REEP1: variants seen among roughly 807,000 people sequenced by gnomAD.
The protein encoded by REEP1 is receptor accessory protein 1.
REEP1 carries 22 observed loss-of-function variants against 40.3 expected under a neutral mutation model. The ratio of observed to expected loss-of-function variants is 0.55; its 90% CI spans 0.39 to 0.78. The LOEUF (loss-of-function observed/expected upper bound fraction) is 0.78, where lower values mean the gene tolerates loss of function less well. REEP1 is among the 30% of genes least tolerant of loss of function. The probability of loss-of-function intolerance (pLI) is 0.00; values close to 1 mark genes in which losing one functional copy is unlikely to be tolerated. For synonymous variants in REEP1, 116 were observed against 139.2 expected, an observed-to-expected ratio of 0.83 and a Z score of 1.17; for missense variants, 280 against 361.1, an observed-to-expected ratio of 0.78 and a Z score of 1.82.
chr2:86,249,629 T>C (rs768547672), intron 5 of REEP1, among the ~76,000 whole-genome samples: 6 of 151,260 alleles, frequency 4.0e-5, no homozygotes, highest in Non-Finnish European at 5.9e-5. Flanking sequence ...AAAAAAAAAA[T>C]AAAAAGCAAA....
At chr2:86,260,401 C>T (rs962267917) in intron 3 of REEP1, among the ~76,000 whole-genome samples, 1 of 152,162 alleles carries the variant, frequency 6.6e-6, no homozygotes, top group East Asian at 1.9e-4. Flanking sequence ...GGGGATTCTA[C>T]CCATACCTGC....
intron 1 of REEP1, among the ~76,000 whole-genome samples, chr2:86,313,408 G>A (rs1321182884): frequency 6.7e-6 from 1 of 148,354 alleles, no homozygotes; most frequent in Non-Finnish European, 1.5e-5. Context: ...CCTCTCCTTT[G>A]TTTCCTTCTC....
At chr2:86,338,046 C>T (rs1303178423), upstream of REEP1, 1 of 1,537,260 alleles carries the variant, frequency 6.5e-7, no homozygotes, top group Admixed American at 2.0e-5. Flanking sequence ...CTAACCTCTT[C>T]AGTCTGTCCG....
At chr2:86,322,501 T>G (rs1680311480) in intron 1 of REEP1, among the ~76,000 whole-genome samples, 1 of 152,166 alleles carries the variant, frequency 6.6e-6, no homozygotes, top group Non-Finnish European at 1.5e-5. Context: ...AACCTCAGCC[T>G]CCTGAGTAGC....
chr2:86,217,852 C>G (rs1436979104), intron 8 of REEP1, among the ~76,000 whole-genome samples: 1 of 152,040 alleles, frequency 6.6e-6, no homozygotes, highest in African/African-American at 2.4e-5. Flanking sequence ...TCCACCTCAT[C>G]TCTCCCACAA....
chr2:86,236,757 G>A (rs1295172368), intron 5 of REEP1, among the ~76,000 whole-genome samples: 1 of 147,988 alleles, frequency 6.8e-6, no homozygotes, highest in Non-Finnish European at 1.5e-5. Context: ...TTTTTTTCGA[G>A]ATGGAGTCTC....
intron 1 of REEP1, among the ~76,000 whole-genome samples, chr2:86,299,525 T>C (rs1309200769): frequency 6.6e-6 from 1 of 152,244 alleles, no homozygotes; most frequent in African/African-American, 2.4e-5. Context: ...AAGGGTTATA[T>C]GTGTGCCTTC....
intron 1 of REEP1, among the ~76,000 whole-genome samples, chr2:86,320,789 C>T (rs1265189009): frequency 2.6e-5 from 4 of 152,296 alleles, no homozygotes; most frequent in Admixed American, 2.0e-4. Context: ...ATTCATAATG[C>T]AGCAGTGACA....
rs540996120 is a variant in REEP1, at chr2:86,228,302, G to A, written c.596-904C>T. ...TGTCTGCCTGCCAGGAGCTTGCAGC[G>A]CTGAGTGACCGTGCAGGGACAGTCT... On this transcript the variant is annotated intron_variant, in intron 6 of 8. Transcript: ENST00000538924. 6.6e-5 allele frequency among the ~76,000 whole-genome samples: 10 copies of A among 152,256 alleles called. No homozygotes were observed. The South Asian group carries it at 1.7e-3, about 25-fold the overall frequency.
chr2:86,277,107 T>C (rs1200320133), intron 2 of REEP1, among the ~76,000 whole-genome samples: 2 of 152,228 alleles, frequency 1.3e-5, no homozygotes, highest in South Asian at 4.1e-4. Flanking sequence ...CAGTAGGAAA[T>C]AGATGATAAA....
chr2:86,296,414 C>T (rs1678985619), intron 1 of REEP1, among the ~76,000 whole-genome samples: 1 of 152,246 alleles, frequency 6.6e-6, no homozygotes, highest in African/African-American at 2.4e-5. Flanking sequence ...TGTGAGATTT[C>T]AAAGCTTAGG....
At chr2:86,314,144 A>G (rs984013420) in intron 1 of REEP1, among the ~76,000 whole-genome samples, 2 of 152,110 alleles carry the variant, frequency 1.3e-5, no homozygotes, top group Non-Finnish European at 1.5e-5. Context: ...TTCTCCCGGG[A>G]GCAGTGCTCC....
chr2:86,286,793 A>G (rs1049166726), intron 1 of REEP1, among the ~76,000 whole-genome samples: 2 of 152,204 alleles, frequency 1.3e-5, no homozygotes, highest in Non-Finnish European at 2.9e-5. Flanking sequence ...TCTGCAAACC[A>G]TGAAACAAAC....
intron 1 of REEP1, among the ~76,000 whole-genome samples, chr2:86,321,511 C>T (rs1680269163): frequency 6.6e-6 from 1 of 152,066 alleles, no homozygotes; most frequent in African/African-American, 2.4e-5. Context: ...ACAAAAATAA[C>T]ATAGCCAATA....
At chr2:86,330,677 C>T (rs1442863617) in intron 1 of REEP1, among the ~76,000 whole-genome samples, 4 of 151,942 alleles carry the variant, frequency 2.6e-5, no homozygotes, top group South Asian at 2.1e-4. Context: ...AATTCCTGGG[C>T]TCAAGTGATC....
chr2:86,279,050 G>A (rs1281030953), intron 2 of REEP1, among the ~76,000 whole-genome samples: 6 of 152,202 alleles, frequency 3.9e-5, no homozygotes, highest in Admixed American at 3.3e-4. Flanking sequence ...TTCCTGACCA[G>A]CCCTGGTGGT....
chr2:86,272,229 T>A (rs1236481291), intron 2 of REEP1, among the ~76,000 whole-genome samples: 6 of 151,814 alleles, frequency 4.0e-5, no homozygotes, highest in African/African-American at 9.7e-5. Flanking sequence ...TCTCAGAAAA[T>A]TTTTTAAAAA....
intron 1 of REEP1, among the ~76,000 whole-genome samples, chr2:86,328,589 G>A (rs1213403185): frequency 6.6e-6 from 1 of 152,232 alleles, no homozygotes; most frequent in African/African-American, 2.4e-5. Flanking sequence ...TGAGGCAGGG[G>A]AATTGCTTGA....
chr2:86,253,293 A>G (rs1676385055), intron 4 of REEP1, among the ~76,000 whole-genome samples: 2 of 150,702 alleles, frequency 1.3e-5, no homozygotes, highest in African/African-American at 4.9e-5. Flanking sequence ...CCACCCCCCA[A>G]AAAAAGGCTG....
Sources: allele counts gnomAD v4.1 joint callset (sites outside exome capture counted in the v4.1 genomes callset), GRCh38; gene constraint gnomAD v4.1.1; transcripts MANE v1.5; gene names NCBI Gene and HGNC (gene_info 2026-07-23, HGNC 2026-07-21).